Variants in RAB8B observed in about 807,000 individuals in gnomAD.
RAB8B encodes the protein RAB8B, member RAS oncogene family.
Under a neutral mutation model 32.0 loss-of-function variants are expected in RAB8B, and 11 were observed. The observed-to-expected ratio is 0.34, with a 90% confidence interval of 0.22 to 0.57. The LOEUF is 0.57. Ranked by LOEUF, RAB8B falls within the 20% of genes least tolerant of loss-of-function variation. RAB8B has a pLI of 0.86. For synonymous variants in RAB8B, 103 were observed against 89.6 expected (o/e 1.15, Z -0.85); for missense variants, 190 against 258.5 (o/e 0.73, Z 1.82).
At chr15:63,247,133 T>C (rs888088556) in intron 2 of RAB8B, among the ~76,000 whole-genome samples, 1 of 152,192 alleles carries the variant, frequency 6.6e-6, no homozygotes, top group African/African-American at 2.4e-5. Context: ...GCTTCCTGGT[T>C]TGTAGACAGC....
chr15:63,265,815 T>A lies in RAB8B; in HGVS notation c.*2196T>A, dbSNP rs2038241698. The A allele has an allele frequency of 1.3e-5, 2 of 152,724 alleles. No individual in the cohort carries two copies. Among genetic ancestry groups the A allele is most frequent in the Non-Finnish European group, 2.9e-5 (2 of 67,974 alleles). The allele number at this position is 152,724 out of a possible 1,614,324, so 9.5% of individuals were successfully genotyped here. The stretch of plus-strand genomic sequence containing the variant: ...TCTTCTTTTGTCTTATATGGATTAA[T>A]AACTAGTCTCCATGAACTTCACTTG... On this transcript the variant is annotated 3_prime_UTR_variant, in exon 8 of 8. Coordinates refer to ENST00000321437, the MANE Select transcript of RAB8B (RefSeq NM_016530.3). This position sits in a 1 kb window ranked among gnomAD's most constrained non-coding sequence, Gnocchi z 4.9.
chr15:63,214,286 C>CTT (rs34415858), intron 1 of RAB8B, among the ~76,000 whole-genome samples: 1,113 of 95,488 alleles, frequency 0.012, 14 homozygotes, highest in East Asian at 0.026. Context: ...CAGTTTCTTT[C>CTT]TTTTTTTTTT....
In RAB8B at chr15:63,256,537, G is replaced by T; in HGVS notation, c.357G>T (p.Leu119=). 1 of 1,603,934 alleles carries T rather than the reference G, an allele frequency of 6.2e-7. No homozygotes were observed. The highest frequency in any genetic ancestry group is 1.3e-5 in the African/African-American group (1 of 74,276). Residue 119 remains leucine, a synonymous_variant, in exon 5 of 8, where the codon CTG becomes CTT. Transcript: ENST00000321437. ...HASSDVERMI[L]GNKCDMNDKR... is the part of the protein sequence containing the mutation. Reference sequence around the variant, plus strand: ...CTTCCGATGTCGAAAGAATGATCCTGGGTAACAAATGTGATATGAATGACA... The same window carrying T: ...CTTCCGATGTCGAAAGAATGATCCTTGGTAACAAATGTGATATGAATGACA...
In RAB8B at chr15:63,213,811, G is replaced by A. The variant is rs1319012854; in HGVS notation, c.124+24063G>A. On this transcript the variant is annotated intron_variant, in intron 1 of 7. Coordinates refer to ENST00000321437, the MANE Select transcript of RAB8B (RefSeq NM_016530.3). The stretch of plus-strand genomic sequence containing the variant: ...CAAAAGTGGTTTCCAGGCCAGGCGC[G>A]GTGGCTCACGCCTGTAATCCCAGCA... Among the ~76,000 whole-genome samples, 7 of 152,116 alleles carry A rather than the reference G, an allele frequency of 4.6e-5. No homozygotes were observed. In the East Asian group the frequency reaches 1.2e-3, roughly 25 times the overall value.
chr15:63,193,906 A>G (rs1229914170), intron 1 of RAB8B, among the ~76,000 whole-genome samples: 2 of 152,236 alleles, frequency 1.3e-5, no homozygotes, highest in Non-Finnish European at 2.9e-5. Context: ...AGTTAGCTAT[A>G]GATTATATTT....
At chr15:63,234,746 TCTC>T (rs1421656418) in intron 1 of RAB8B, among the ~76,000 whole-genome samples, 6 of 152,108 alleles carry the variant, frequency 3.9e-5, no homozygotes, top group African/African-American at 1.4e-4. Flanking sequence ...CACCCTGCCT[TCTC>T]CTCAGAGGTG....
chr15:63,196,953 A>G (rs2037605518), intron 1 of RAB8B, among the ~76,000 whole-genome samples: 1 of 152,232 alleles, frequency 6.6e-6, no homozygotes, highest in East Asian at 1.9e-4. Context: ...GGTTTGCATT[A>G]TAAGAGCCAT....
chr15:63,223,162 TA>T (rs1387706664), intron 1 of RAB8B: 38 of 414,614 alleles, frequency 9.2e-5, no homozygotes, highest in South Asian at 3.5e-5. Context: ...CCCAGGCTGG[TA>T]TGCAGTGGCA....
chr15:63,199,598 A>G (rs895010053), intron 1 of RAB8B, among the ~76,000 whole-genome samples: 4 of 152,218 alleles, frequency 2.6e-5, no homozygotes, highest in Admixed American at 1.3e-4. Context: ...ATAAATATAT[A>G]TAATATCATC....
chr15:63,218,684 C>G (rs2037814029), intron 1 of RAB8B, among the ~76,000 whole-genome samples: 1 of 152,200 alleles, frequency 6.6e-6, no homozygotes, highest in Non-Finnish European at 1.5e-5. Context: ...GCGTTTCTCT[C>G]TTTTGTTTCT....
chr15:63,231,820 GC>G, intron 1 of RAB8B, among the ~76,000 whole-genome samples: 1 of 152,106 alleles, frequency 6.6e-6, no homozygotes, highest in Non-Finnish European at 1.5e-5. Flanking sequence ...TCACCAGTTA[GC>G]CCCTTTATGA....
chr15:63,245,617 A>G (rs2152577454), intron 2 of RAB8B, among the ~76,000 whole-genome samples: 1 of 152,316 alleles, frequency 6.6e-6, no homozygotes, highest in African/African-American at 2.4e-5. Context: ...AGATAGCATC[A>G]GATCCCACAG....
intron 1 of RAB8B, 73 bp downstream of exon 1, chr15:63,189,821 G>T: frequency 7.3e-7 from 1 of 1,376,904 alleles, no homozygotes; most frequent in South Asian, 1.3e-5. Flanking sequence ...GGAAAGGGCG[G>T]GGGGCGCTTG....
At chr15:63,223,847 G>T in intron 1 of RAB8B, 1 of 430,688 alleles carries the variant, frequency 2.3e-6, no homozygotes. Flanking sequence ...TTCTTCTATA[G>T]TGCGGCCTCA....
chr15:63,192,127 G>C (rs956159361), intron 1 of RAB8B, among the ~76,000 whole-genome samples: 1 of 152,134 alleles, frequency 6.6e-6, no homozygotes, highest in African/African-American at 2.4e-5. Flanking sequence ...GTGGAGGAGG[G>C]GAAATCCCAT....
intron 1 of RAB8B, chr15:63,223,901 T>C (rs1389050721): frequency 2.3e-6 from 1 of 432,780 alleles, no homozygotes; most frequent in African/African-American, 2.0e-5. Flanking sequence ...CCACAAAATG[T>C]CTGCTAATGA....
intron 1 of RAB8B, among the ~76,000 whole-genome samples, chr15:63,230,285 A>G (rs2037925218): frequency 1.3e-5 from 2 of 152,060 alleles, no homozygotes; most frequent in Non-Finnish European, 1.5e-5. Context: ...TGTTTATTTT[A>G]TAATCTCTTA....
At chr15:63,230,446 C>T (rs546916430) in intron 1 of RAB8B, among the ~76,000 whole-genome samples, 2 of 152,132 alleles carry the variant, frequency 1.3e-5, no homozygotes, top group East Asian at 1.9e-4. Context: ...GGATTACAGG[C>T]GCCCACCACC....
chr15:63,258,778 C>T (rs1402320583), intron 5 of RAB8B, among the ~76,000 whole-genome samples: 1 of 151,992 alleles, frequency 6.6e-6, no homozygotes, highest in African/African-American at 2.4e-5. Flanking sequence ...CAGAAGGTGA[C>T]CAATCAAAGG....
Sources: gnomAD v4.1 joint callset for allele counts (sites outside exome capture counted in the v4.1 genomes callset) on GRCh38, gnomAD v4.1.1 for gene constraint, Gnocchi (gnomAD v3.1) non-coding constraint, MANE v1.5 for transcripts, NCBI Gene and HGNC (gene_info 2026-07-23, HGNC 2026-07-21) for gene names.